Variants in CADPS2 observed in about 807,000 individuals in gnomAD.
The protein encoded by CADPS2 is calcium dependent secretion activator 2, also known as calcium-dependent secretion activator 2.
In CADPS2, 93 loss-of-function variants were observed where a neutral mutation model predicts 172.5. The observed-to-expected ratio is 0.54, with a 90% CI of 0.46 to 0.64. CADPS2 has a LOEUF of 0.64. Among genes scored for constraint, CADPS2 ranks in the 30% least tolerant of loss-of-function variants. The pLI, the probability that CADPS2 is intolerant of heterozygous loss-of-function variation, is 0.00. For missense variants in CADPS2, 1,420 were observed against 1,565.9 expected (o/e 0.91, Z 1.57); for synonymous variants, 546 against 555.2 (o/e 0.98, Z 0.23).
At chr7:122,858,005 C>T (rs1045869651) in intron 1 of CADPS2, among the ~76,000 whole-genome samples, 3 of 152,048 alleles carry the variant, frequency 2.0e-5, no homozygotes, top group African/African-American at 7.2e-5. Flanking sequence ...TCGTGAAGAG[C>T]GAAAGAACAA....
intron 2 of CADPS2, chr7:122,698,747 C>T (rs767604596): frequency 6.3e-5 from 101 of 1,613,760 alleles, no homozygotes; most frequent in Non-Finnish European, 8.1e-5. Context: ...ACTCCAGTCT[C>T]TCCCAACTCT....
At chr7:122,685,647 T>C (rs757271666) in intron 2 of CADPS2, among the ~76,000 whole-genome samples, 31 of 152,324 alleles carry the variant, frequency 2.0e-4, no homozygotes, top group Middle Eastern at 3.4e-3. Flanking sequence ...CCTATTCTGT[T>C]TTCTATTTTT....
intron 20 of CADPS2, among the ~76,000 whole-genome samples, chr7:122,399,656 G>GTTTT (rs1563239204): frequency 7.4e-5 from 7 of 94,548 alleles, no homozygotes; most frequent in South Asian, 3.3e-4. Context: ...TCAAGGGTGG[G>GTTTT]TTTCTTTTTT....
At chr7:122,470,653 C>T (rs760517405) in intron 14 of CADPS2, among the ~76,000 whole-genome samples, 9 of 152,028 alleles carry the variant, frequency 5.9e-5, no homozygotes, top group Non-Finnish European at 1.0e-4. Context: ...CACCACCACG[C>T]CCAGCTAATT....
chr7:122,705,634 TATATA>T (rs538179884), intron 2 of CADPS2, among the ~76,000 whole-genome samples: 3,696 of 102,274 alleles, frequency 0.036, 134 homozygotes, highest in African/African-American at 0.041. Flanking sequence ...TTATATATGA[TATATA>T]ATATATTATA....
Position 122,694,665 on chromosome 7 carries a change from C to A in CADPS2, c.454-31096G>T, listed in dbSNP as rs1220136610. Among the ~76,000 whole-genome samples the A allele has an allele frequency of 2.0e-5, 3 of 152,132 alleles. No individual in the cohort carries two copies. In the South Asian group the frequency reaches 6.2e-4, roughly 32 times the overall value. Reference sequence around the variant, plus strand: ...TTTCTAAAGTACACTCCCTTCCCCCCACTTATAAAACCAAGTATGTATTTA... The same window carrying A: ...TTTCTAAAGTACACTCCCTTCCCCCAACTTATAAAACCAAGTATGTATTTA... On this transcript the variant is annotated intron_variant, in intron 2 of 29. Transcript: ENST00000449022.
intron 28 of CADPS2, among the ~76,000 whole-genome samples, chr7:122,335,712 A>C (rs1001545664): frequency 5.9e-5 from 9 of 152,224 alleles, no homozygotes; most frequent in African/African-American, 2.2e-4. Context: ...ATGACAGAGA[A>C]CACTTTGAGA....
intron 1 of CADPS2, among the ~76,000 whole-genome samples, chr7:122,779,793 T>G (rs2139351707): frequency 6.6e-6 from 1 of 152,310 alleles, no homozygotes; most frequent in Admixed American, 6.5e-5. Flanking sequence ...TGTCCTATGC[T>G]CTGTCCTCCC....
At chr7:122,839,467 G>T (rs967146268) in intron 1 of CADPS2, among the ~76,000 whole-genome samples, 2 of 152,142 alleles carry the variant, frequency 1.3e-5, no homozygotes, top group African/African-American at 2.4e-5. Flanking sequence ...CACAGCAAAA[G>T]AAACTACCAT....
chr7:122,687,809 T>C (rs1018346492), intron 2 of CADPS2, among the ~76,000 whole-genome samples: 1 of 152,228 alleles, frequency 6.6e-6, no homozygotes, highest in African/African-American at 2.4e-5. Context: ...GAAATTTACA[T>C]AATAGTAAAA....
Position 122,825,794 on chromosome 7 carries a change from A to G in CADPS2, c.339+60205T>C, listed in dbSNP as rs116072440. Reference sequence around the variant, plus strand: ...CCCAATGTTAATGTTTTGCAATACTACAGTATAATATTACAACCAGTATAT... The same window carrying G: ...CCCAATGTTAATGTTTTGCAATACTGCAGTATAATATTACAACCAGTATAT... On this transcript the variant is annotated intron_variant, in intron 1 of 29. Coordinates refer to ENST00000449022, the MANE Select transcript of CADPS2 (RefSeq NM_017954.11). Among the ~76,000 whole-genome samples, 976 of 152,330 alleles carry G rather than the reference A, an allele frequency of 6.4e-3. 11 individuals carry two copies. Among genetic ancestry groups the G allele is most frequent in the African/African-American group, 0.022 (933 of 41,574 alleles).
intron 1 of CADPS2, among the ~76,000 whole-genome samples, chr7:122,805,192 G>A (rs780752585): frequency 3.4e-4 from 52 of 152,168 alleles, no homozygotes; most frequent in Non-Finnish European, 5.9e-4. Context: ...AAGGATTCTT[G>A]CTCTGTCGCC....
chr7:122,597,346 T>C (rs1183917414), intron 6 of CADPS2, among the ~76,000 whole-genome samples: 1 of 152,126 alleles, frequency 6.6e-6, no homozygotes, highest in Non-Finnish European at 1.5e-5. Context: ...TCAGAAGGCT[T>C]AGTAAATAAA....
intron 6 of CADPS2, among the ~76,000 whole-genome samples, chr7:122,590,250 G>C (rs1288560566): frequency 6.6e-6 from 1 of 151,868 alleles, no homozygotes; most frequent in Non-Finnish European, 1.5e-5. Context: ...AATCAAAATA[G>C]TGTGGTCCTG....
intron 2 of CADPS2, among the ~76,000 whole-genome samples, chr7:122,721,581 T>C (rs1016135907): frequency 6.6e-6 from 1 of 152,020 alleles, no homozygotes; most frequent in African/African-American, 2.4e-5. Context: ...CAGGACCAGA[T>C]GGATTCACAG....
intron 14 of CADPS2, among the ~76,000 whole-genome samples, chr7:122,468,803 C>A (rs1332913913): frequency 6.6e-6 from 1 of 152,132 alleles, no homozygotes; most frequent in African/African-American, 2.4e-5. Context: ...GGACTGTAAA[C>A]GTCACAGGAA....
intron 8 of CADPS2, among the ~76,000 whole-genome samples, chr7:122,520,379 ATTTCT>A (rs1201752556): frequency 6.6e-6 from 1 of 151,752 alleles, no homozygotes; most frequent in Non-Finnish European, 1.5e-5. Context: ...TAATATTCTG[ATTTCT>A]TTTCTTTTAA....
intron 8 of CADPS2, among the ~76,000 whole-genome samples, chr7:122,521,838 C>T (rs1295770159): frequency 6.6e-6 from 1 of 152,130 alleles, no homozygotes; most frequent in African/African-American, 2.4e-5. Context: ...GTCCCTCTTC[C>T]TTTTCCTGAG....
At chr7:122,705,674 T>G (rs1228053389) in intron 2 of CADPS2, among the ~76,000 whole-genome samples, 1 of 84,748 alleles carries the variant, frequency 1.2e-5, no homozygotes, top group Non-Finnish European at 2.1e-5. Flanking sequence ...TATAATATAT[T>G]ATATAATATA....
Sources: allele counts gnomAD v4.1 joint callset (sites outside exome capture counted in the v4.1 genomes callset), GRCh38; gene constraint gnomAD v4.1.1; transcripts MANE v1.5; gene names NCBI Gene and HGNC (gene_info 2026-07-23, HGNC 2026-07-21).